GATAD1: variants seen among roughly 807,000 people sequenced by gnomAD.
The protein encoded by GATAD1 is GATA zinc finger domain containing 1, also known as GATA zinc finger domain-containing protein 1.
GATAD1 carries 12 observed loss-of-function variants against 26.5 expected under a neutral mutation model. The ratio of observed to expected loss-of-function variants is 0.45; its 90% CI spans 0.29 to 0.73. The LOEUF (loss-of-function observed/expected upper bound fraction) is 0.73, where lower values mean the gene tolerates loss of function less well. GATAD1 is among the 30% of genes least tolerant of loss of function. The pLI is 0.10. For missense variants in GATAD1, 266 were observed against 342.1 expected (o/e 0.78, Z 1.75); for synonymous variants, 129 against 133.1 (o/e 0.97, Z 0.21).
At chr7:92,470,191 G>A in the GATAD1 span, 5 of 778,530 alleles carry the variant, frequency 6.4e-6, no homozygotes, top group Non-Finnish European at 1.2e-5. Flanking sequence ...ATGGGTGTGG[G>A]CAGTGAAGGT....
intron 3 of GATAD1, chr7:92,454,218 G>C (rs1381939999): frequency 2.3e-5 from 7 of 310,650 alleles, no homozygotes; most frequent in Non-Finnish European, 4.1e-5. Context: ...TTTTTAAAAA[G>C]TGGGGATGGT....
chr7:92,469,843 G>C, the GATAD1 span: 2 of 762,922 alleles, frequency 2.6e-6, no homozygotes, highest in East Asian at 4.9e-5. Flanking sequence ...AGGGTTTTGG[G>C]CCGAGACCTC....
In GATAD1 at chr7:92,456,518, A is replaced by G. The variant is rs778560008; in HGVS notation, c.766A>G (p.Thr256Ala). The G allele has an allele frequency of 9.3e-6, 15 of 1,612,288 alleles. No homozygotes were observed. In the African/African-American group the frequency reaches 1.9e-4, roughly 20 times the overall value. Reference sequence around the variant, plus strand: ...CTACATATGGACTCATGTTGGGCCTACTCCTGCAATAACAATTAAGGAATC... The same window carrying G: ...CTACATATGGACTCATGTTGGGCCTGCTCCTGCAATAACAATTAAGGAATC... ...KGYIWTHVGP[T>A]PAITIKESVA... Residue 256 changes from threonine (T) to alanine (A), a missense_variant, in exon 5 of 5, where the codon ACT becomes GCT. Coordinates refer to ENST00000287957, the MANE Select transcript of GATAD1 (RefSeq NM_021167.5).
rs1030789811 is a variant in GATAD1, at chr7:92,457,777, C to T, written c.*1215C>T. ...TCTCATCTCAAAAATGCTGTGACAG[C>T]TTTTTGGCTGCTTTAACCATAAGAA... is the stretch of plus-strand genomic sequence containing the variant. On this transcript the variant is annotated 3_prime_UTR_variant, in exon 5 of 5. Transcript: ENST00000287957. The T allele has an allele frequency of 6.6e-6, 1 of 152,192 alleles. No homozygotes were observed. The highest frequency in any genetic ancestry group is 2.4e-5 in the African/African-American group (1 of 41,446). The allele number at this position is 152,192 out of a possible 1,614,324, so 9.4% of individuals were successfully genotyped here. A position where few individuals can be genotyped will look rare whatever the true frequency, so the allele number is the denominator to read the frequency against.
chr7:92,461,613 G>C (rs1026608675), downstream of GATAD1, among the ~76,000 whole-genome samples: 1 of 152,192 alleles, frequency 6.6e-6, no homozygotes, highest in Admixed American at 6.5e-5. Context: ...AAATCAAAAA[G>C]TAATGAAAGA....
At chr7:92,462,540 G>GA (rs1297866468), downstream of GATAD1, among the ~76,000 whole-genome samples, 1 of 152,082 alleles carries the variant, frequency 6.6e-6, no homozygotes, top group African/African-American at 2.4e-5. Flanking sequence ...ACGTAGTCAG[G>GA]AAAAAAATAC....
chr7:92,447,703 C>A lies in GATAD1; in HGVS notation c.-27C>A, dbSNP rs1789210903. The stretch of plus-strand genomic sequence containing the variant: ...GTCCGCCATTCCCGTGTCTCTGCGC[C>A]CGCGGGGGCCGCCCGAGCCGGCCAC... On this transcript the variant is annotated 5_prime_UTR_variant, in exon 1 of 5. Transcript: ENST00000287957. 3 of 1,435,754 alleles carry A rather than the reference C, an allele frequency of 2.1e-6. No homozygotes were observed. The highest frequency in any genetic ancestry group is 6.0e-5 in the Admixed American group (2 of 33,354). 88.9% of individuals were successfully genotyped at this position (1,435,754 alleles called of 1,614,324 possible). A position where few individuals can be genotyped will look rare whatever the true frequency, so the allele number is the denominator to read the frequency against.
At chr7:92,468,523 C>T in the GATAD1 span, 1 of 366,826 alleles carries the variant, frequency 2.7e-6, no homozygotes. Flanking sequence ...TGCTCTCAGG[C>T]AATAGATGAT....
the GATAD1 span, chr7:92,470,569 G>T: frequency 5.7e-6 from 3 of 525,892 alleles, no homozygotes; most frequent in South Asian, 1.0e-4. Flanking sequence ...CGCAGTTGGG[G>T]TAGATAAAAT....
chr7:92,454,864 G>A (rs1264139164), intron 4 of GATAD1, among the ~76,000 whole-genome samples, 179 bp downstream of exon 4: 1 of 152,180 alleles, frequency 6.6e-6, no homozygotes, highest in Non-Finnish European at 1.5e-5. Context: ...CAAGGTGCTG[G>A]CAACACGGAT....
intron 4 of GATAD1, among the ~76,000 whole-genome samples, chr7:92,455,998 A>G (rs1329649938): frequency 6.6e-6 from 1 of 152,204 alleles, no homozygotes; most frequent in Non-Finnish European, 1.5e-5. Flanking sequence ...TTTACCGGCC[A>G]TGTGACTTTG....
At chr7:92,475,626 G>A in the GATAD1 span, among the ~76,000 whole-genome samples, 3 of 151,336 alleles carry the variant, frequency 2.0e-5, no homozygotes, top group East Asian at 3.9e-4. Context: ...TATCGGATTA[G>A]TTATGCTTAC....
the GATAD1 span, among the ~76,000 whole-genome samples, chr7:92,484,675 G>A: frequency 6.6e-6 from 1 of 152,230 alleles, no homozygotes; most frequent in Non-Finnish European, 1.5e-5. Context: ...AGAGGCTGGA[G>A]AAGAGAGTGA....
Position 92,447,640 on chromosome 7 carries a change from C to G in GATAD1, c.-90C>G. ...ACGCTCTCACCGCTCTTCCTATCGC[C>G]GGGAGTGGCGGGCCGACCAGGGGGC... On this transcript the variant is annotated 5_prime_UTR_variant, in exon 1 of 5. Coordinates refer to ENST00000287957, the MANE Select transcript of GATAD1 (RefSeq NM_021167.5). 7.6e-7 allele frequency: 1 copy of G among 1,313,720 alleles called. No individual in the cohort carries two copies. The highest frequency in any genetic ancestry group is 9.7e-7 in the Non-Finnish European group (1 of 1,028,250). 81.4% of individuals were successfully genotyped at this position (1,313,720 alleles called of 1,614,324 possible). A position where few individuals can be genotyped will look rare whatever the true frequency, so the allele number is the denominator to read the frequency against.
chr7:92,490,004 CAAT>C, the GATAD1 span: 682 of 981,994 alleles, frequency 6.9e-4, 1 homozygote, highest in Non-Finnish European at 7.8e-4. Flanking sequence ...ACATTTTAAG[CAAT>C]AAAACATTAA....
intron 2 of GATAD1, chr7:92,449,696 T>A: frequency 1.4e-6 from 1 of 734,160 alleles, no homozygotes; most frequent in Non-Finnish European, 1.7e-6. Flanking sequence ...TAATTTAATT[T>A]AATGAATTTT....
At chr7:92,489,558 T>G in the GATAD1 span, 4 of 1,046,096 alleles carry the variant, frequency 3.8e-6, no homozygotes, top group Non-Finnish European at 5.8e-6. Flanking sequence ...AATGAAACAT[T>G]GAAAGCAAGG....
At chr7:92,483,619 A>G in the GATAD1 span, among the ~76,000 whole-genome samples, 2 of 152,240 alleles carry the variant, frequency 1.3e-5, no homozygotes, top group African/African-American at 4.8e-5. Flanking sequence ...CTGGGTTTTT[A>G]TATTTGATGA....
chr7:92,486,601 G>A, the GATAD1 span, among the ~76,000 whole-genome samples: 1 of 151,998 alleles, frequency 6.6e-6, no homozygotes, highest in Non-Finnish European at 1.5e-5. Flanking sequence ...CCTCCTGGGA[G>A]CAAGTGATCC....
Sources: allele counts gnomAD v4.1 joint callset (sites outside exome capture counted in the v4.1 genomes callset), GRCh38; gene constraint gnomAD v4.1.1; transcripts MANE v1.5; gene names NCBI Gene and HGNC (gene_info 2026-07-23, HGNC 2026-07-21).